Variants in CTNNA3 observed in about 807,000 individuals in gnomAD.
The protein encoded by CTNNA3 is catenin alpha-3.
Under a neutral mutation model 95.7 loss-of-function variants are expected in CTNNA3, and 76 were observed. That is an observed-to-expected ratio of 0.79 (90% CI 0.66 to 0.96). The LOEUF is 0.96. Ranked by LOEUF, CTNNA3 falls within the 40% of genes least tolerant of loss-of-function variation. The pLI, the probability that CTNNA3 is intolerant of heterozygous loss-of-function variation, is 0.00. For synonymous variants in CTNNA3, 431 were observed against 374.4 expected (o/e 1.15, Z -1.74); for missense variants, 1,191 against 1,089.8 (o/e 1.09, Z -1.31).
chr10:67,763,078 T>C lies in CTNNA3; in HGVS notation c.-2+356A>G, dbSNP rs373826912. 7.9e-5 allele frequency among the ~76,000 whole-genome samples: 12 copies of C among 152,306 alleles called. No individual in the cohort carries two copies. The East Asian group carries it at 2.1e-3, about 27-fold the overall frequency. Reference sequence around the variant, plus strand: ...TCTAAGGAATTTTGTCTGCAGCTAGTCCTGCTACGTAGGTACAATCTAAGG... The same window carrying C: ...TCTAAGGAATTTTGTCTGCAGCTAGCCCTGCTACGTAGGTACAATCTAAGG... On this transcript the variant is annotated intron_variant, in intron 1 of 17. Transcript: ENST00000684154.
chr10:67,616,874 C>T (rs2133400738), intron 2 of CTNNA3, among the ~76,000 whole-genome samples: 1 of 152,102 alleles, frequency 6.6e-6, no homozygotes, highest in Admixed American at 6.5e-5. Context: ...ATTGCAAAGA[C>T]GTTTGGGGAA....
chr10:67,078,779 G>A lies in CTNNA3; in HGVS notation c.1047+101538C>T, dbSNP rs1252194077. ...GATCTGCCCACCTCGGCCCCCCAAC[G>A]TGCTGAGATTACAGATGTGAGCCAC... On this transcript the variant is annotated intron_variant, in intron 7 of 17. Transcript: ENST00000433211. Among the ~76,000 whole-genome samples, 10 of 152,190 alleles carry A rather than the reference G, an allele frequency of 6.6e-5. No homozygotes were observed. The South Asian group carries it at 1.0e-3, about 16-fold the overall frequency.
intron 5 of CTNNA3, among the ~76,000 whole-genome samples, chr10:67,355,139 G>C (rs1432458110): frequency 6.6e-6 from 1 of 151,964 alleles, no homozygotes; most frequent in African/African-American, 2.4e-5. Flanking sequence ...ATGTCATTGT[G>C]ATGTGAGAAG....
At chr10:66,551,491 C>T (rs1048349196) in intron 10 of CTNNA3, among the ~76,000 whole-genome samples, 2 of 152,090 alleles carry the variant, frequency 1.3e-5, no homozygotes, top group Non-Finnish European at 2.9e-5. Context: ...ATGCTATAAA[C>T]TTAAGACTTC....
At chr10:66,552,810 T>A (rs1293838905) in intron 10 of CTNNA3, among the ~76,000 whole-genome samples, 1 of 152,108 alleles carries the variant, frequency 6.6e-6, no homozygotes, top group Admixed American at 6.5e-5. Flanking sequence ...TTTTTTTCCT[T>A]GAAGTCTATC....
At chr10:66,076,182 G>C (rs564549184) in intron 14 of CTNNA3, among the ~76,000 whole-genome samples, 1 of 151,676 alleles carries the variant, frequency 6.6e-6, no homozygotes, top group South Asian at 2.1e-4. Context: ...AAATTTAATA[G>C]TGACATGTAC....
intron 5 of CTNNA3, among the ~76,000 whole-genome samples, chr10:67,244,170 A>T (rs1232682306): frequency 6.6e-6 from 1 of 152,236 alleles, no homozygotes; most frequent in Non-Finnish European, 1.5e-5. Flanking sequence ...TAGGCTAAGT[A>T]GATTTGTTTA....
intron 15 of CTNNA3, among the ~76,000 whole-genome samples, chr10:66,015,378 G>C (rs1395885172): frequency 6.6e-6 from 1 of 152,144 alleles, no homozygotes; most frequent in Non-Finnish European, 1.5e-5. Context: ...TGACCTAGGA[G>C]TGACAAACTG....
intron 13 of CTNNA3, among the ~76,000 whole-genome samples, chr10:66,182,728 A>G (rs117930152): frequency 0.016 from 2,105 of 132,084 alleles, 75 homozygotes; most frequent in East Asian, 0.12. Flanking sequence ...CCAAAAAAAG[A>G]TGATTTTTTT....
intron 7 of CTNNA3, among the ~76,000 whole-genome samples, chr10:67,048,295 C>T (rs189182345): frequency 1.1e-3 from 174 of 152,066 alleles, no homozygotes; most frequent in Admixed American, 7.9e-4. Flanking sequence ...TATTGTTAAA[C>T]GTATTTAAAA....
At chr10:67,126,273 A>G (rs748913613) in intron 7 of CTNNA3, among the ~76,000 whole-genome samples, 48 of 152,318 alleles carry the variant, frequency 3.2e-4, no homozygotes, top group Admixed American at 5.2e-4. Context: ...TCACGCCTGT[A>G]ATCCCAGCAC....
intron 15 of CTNNA3, among the ~76,000 whole-genome samples, chr10:66,054,196 C>T (rs2080024883): frequency 6.6e-6 from 1 of 152,104 alleles, no homozygotes; most frequent in Non-Finnish European, 1.5e-5. Context: ...AGTGGGAGTG[C>T]AAATATCTCC....
chr10:66,629,203 T>C (rs1845046237), intron 9 of CTNNA3, among the ~76,000 whole-genome samples: 1 of 151,980 alleles, frequency 6.6e-6, no homozygotes, highest in Admixed American at 6.6e-5. Context: ...ATGCTAATCA[T>C]TCCTAGAGTG....
intron 15 of CTNNA3, among the ~76,000 whole-genome samples, chr10:66,007,842 C>T (rs2078929048): frequency 1.3e-5 from 2 of 149,584 alleles, no homozygotes; most frequent in South Asian, 4.3e-4. Flanking sequence ...TTTCCTCCTC[C>T]CTCCCTCCCT....
At chr10:66,191,136 GT>G (rs1224776034) in intron 13 of CTNNA3, among the ~76,000 whole-genome samples, 1 of 152,086 alleles carries the variant, frequency 6.6e-6, no homozygotes, top group East Asian at 1.9e-4. Flanking sequence ...GGACCCAGAG[GT>G]TCTAAATCTA....
At chr10:66,746,563 T>C (rs1333637940) in intron 9 of CTNNA3, among the ~76,000 whole-genome samples, 1 of 152,204 alleles carries the variant, frequency 6.6e-6, no homozygotes, top group Admixed American at 6.5e-5. Flanking sequence ...ACATTAGCTA[T>C]GTCATTTTAT....
Position 67,467,692 on chromosome 10 carries a change from C to CTTTAT in CTNNA3, c.579+54145_579+54149dup, listed in dbSNP as rs1451946096. On this transcript the variant is annotated intron_variant, in intron 5 of 17. Coordinates refer to ENST00000433211, the MANE Select transcript of CTNNA3 (RefSeq NM_013266.4). ...ATGTGACTAGTGTGACTGTAAGTTT[C>CTTTAT]TTTATTTTATTTTATTTATTATTAT... is the stretch of plus-strand genomic sequence containing the variant. Among the ~76,000 whole-genome samples the CTTTAT allele has an allele frequency of 7.3e-5, 11 of 151,558 alleles. No individual in the cohort carries two copies. In the South Asian group the frequency reaches 2.3e-3, roughly 32 times the overall value.
chr10:67,706,097 T>A (rs1359201375), intron 1 of CTNNA3, among the ~76,000 whole-genome samples: 3 of 152,096 alleles, frequency 2.0e-5, no homozygotes, highest in Non-Finnish European at 4.4e-5. Context: ...TGATGCCTTA[T>A]CTACTGGGCA....
At chr10:67,222,104 T>C (rs777448370) in intron 5 of CTNNA3, among the ~76,000 whole-genome samples, 37 of 152,206 alleles carry the variant, frequency 2.4e-4, no homozygotes, top group Non-Finnish European at 3.1e-4. Flanking sequence ...GGAATAATGT[T>C]GCATGAGGTT....
Sources: gnomAD v4.1 joint callset for allele counts (sites outside exome capture counted in the v4.1 genomes callset) on GRCh38, gnomAD v4.1.1 for gene constraint, MANE v1.5 for transcripts, NCBI Gene and HGNC (gene_info 2026-07-23, HGNC 2026-07-21) for gene names.